PPP1R13B: variants seen among roughly 807,000 people sequenced by gnomAD.
The protein encoded by PPP1R13B is protein phosphatase 1 regulatory subunit 13B, also known as apoptosis-stimulating of p53 protein 1.
PPP1R13B carries 44 observed loss-of-function variants against 119.8 expected under a neutral mutation model. The ratio of observed to expected loss-of-function variants is 0.37; its 90% CI spans 0.29 to 0.47. PPP1R13B has a LOEUF of 0.47. Ranked by LOEUF, PPP1R13B falls within the 20% of genes least tolerant of loss-of-function variation. The pLI, the probability that PPP1R13B is intolerant of heterozygous loss-of-function variation, is 0.99. For missense variants in PPP1R13B, 1,227 were observed against 1,413.5 expected, an observed-to-expected ratio of 0.87 and a Z score of 2.12; for synonymous variants, 542 against 561.5, an observed-to-expected ratio of 0.97 and a Z score of 0.49.
chr14:103,740,430 G>T lies in PPP1R13B; in HGVS notation c.1986C>A (p.Thr662=). 6.3e-7 allele frequency: 1 copy of T among 1,599,094 alleles called. No individual in the cohort carries two copies. The highest frequency in any genetic ancestry group is 8.5e-7 in the Non-Finnish European group (1 of 1,171,556). Residue 662 remains threonine (T), a synonymous_variant, in exon 12 of 17, where the codon ACC becomes ACA. Coordinates refer to ENST00000202556, the MANE Select transcript of PPP1R13B (RefSeq NM_015316.3). The surrounding 1 kb of genome is among the most constrained non-coding windows in gnomAD (Gnocchi z 4.6). ...TGAGTGGCCGTGGCAGGCTCTCCAC[G>T]GTGCTGCCATCTGCGGGGGCGGCGG... ...DGPAAPADGS[T]VESLPRPLSP...
chr14:103,745,774 A>C (rs1396791269), intron 9 of PPP1R13B, among the ~76,000 whole-genome samples: 2 of 152,176 alleles, frequency 1.3e-5, no homozygotes, highest in African/African-American at 4.8e-5. Flanking sequence ...ACCTGCAGTA[A>C]GAGAGGACAC....
chr14:103,806,543 C>A (rs568830751), intron 1 of PPP1R13B, among the ~76,000 whole-genome samples: 1 of 152,110 alleles, frequency 6.6e-6, no homozygotes, highest in African/African-American at 2.4e-5. Flanking sequence ...CAGCAGGCCA[C>A]GCACCCCAAA....
chr14:103,802,640 C>T (rs1457674179), intron 1 of PPP1R13B, among the ~76,000 whole-genome samples: 1 of 152,130 alleles, frequency 6.6e-6, no homozygotes, highest in Non-Finnish European at 1.5e-5. Context: ...ACAGCTTGTG[C>T]TTACTTGCTC....
intron 1 of PPP1R13B, among the ~76,000 whole-genome samples, chr14:103,844,732 AG>A (rs1353001488): frequency 6.6e-6 from 1 of 152,162 alleles, no homozygotes; most frequent in Non-Finnish European, 1.5e-5. Context: ...TCACAAAAAA[AG>A]AAAAAAAGAA....
intron 9 of PPP1R13B, among the ~76,000 whole-genome samples, chr14:103,743,280 TTTAA>T (rs1456608163): frequency 1.7e-4 from 26 of 152,388 alleles, no homozygotes; most frequent in African/African-American, 6.2e-4. Flanking sequence ...CCTGTAGTAC[TTTAA>T]TTATTGAGAT....
chr14:103,769,066 C>T (rs1046515664), intron 4 of PPP1R13B, among the ~76,000 whole-genome samples: 1 of 152,034 alleles, frequency 6.6e-6, no homozygotes, highest in African/African-American at 2.4e-5. Flanking sequence ...CTTTGTTTTA[C>T]TTCCACACTG....
intron 1 of PPP1R13B, among the ~76,000 whole-genome samples, chr14:103,811,094 CAAAAAAAAAAAAAA>C (rs36017203): frequency 1.5e-5 from 1 of 65,844 alleles, no homozygotes; most frequent in African/African-American, 5.5e-5. Flanking sequence ...GACTCCTCCT[CAAAAAAAAAAAAAA>C]AAAAAAAAAA....
intron 1 of PPP1R13B, among the ~76,000 whole-genome samples, chr14:103,842,997 C>A (rs1212992248): frequency 1.3e-5 from 2 of 151,932 alleles, no homozygotes; most frequent in Admixed American, 6.6e-5. Flanking sequence ...AAAAAAGTAT[C>A]TTAAGCAACA....
In PPP1R13B at chr14:103,742,890, C is replaced by A; in HGVS notation, c.1151-67G>T. 6.4e-7 allele frequency: 1 copy of A among 1,562,918 alleles called. No homozygotes were observed. Among genetic ancestry groups the A allele is most frequent in the South Asian group, 1.2e-5 (1 of 85,800 alleles). On this transcript the variant is annotated intron_variant, in intron 9 of 16. Coordinates refer to ENST00000202556, the MANE Select transcript of PPP1R13B (RefSeq NM_015316.3). This position sits in a 1 kb window ranked among gnomAD's most constrained non-coding sequence, Gnocchi z 4.9. ...TAGTTGAACCAACCTAAGAATAACA[C>A]TCTGCCAGAAACAAAAACAGCACTG...
intron 1 of PPP1R13B, among the ~76,000 whole-genome samples, chr14:103,800,579 C>T (rs532839453): frequency 1.1e-4 from 16 of 151,222 alleles, no homozygotes; most frequent in African/African-American, 2.2e-4. Flanking sequence ...ACTTGAACCC[C>T]GGGGGGCAGA....
intron 1 of PPP1R13B, among the ~76,000 whole-genome samples, chr14:103,830,640 C>T (rs546322472): frequency 6.6e-6 from 1 of 152,266 alleles, no homozygotes; most frequent in East Asian, 1.9e-4. Flanking sequence ...GTATTCATAA[C>T]TGAAAACTAC....
chr14:103,754,136 T>C lies in PPP1R13B; in HGVS notation c.565A>G (p.Lys189Glu). The change falls in exon 6 of 17, where the codon AAG (lysine) becomes GAG (glutamate). Residue 189 changes from lysine (K) to glutamate (E), a missense_variant. Physicochemically the swap from Lys to Glu is moderately conservative, Grantham distance 56. Coordinates refer to ENST00000202556, the MANE Select transcript of PPP1R13B (RefSeq NM_015316.3). ...CTCATTGCACGAATTTTCTTCAGCT[T>C]GTTCTCCTGGGCTTCAACTCGTTCT... ...LKERVEAQENKLKKIRAMRGQ... is the reference protein window; with the variant it reads ...LKERVEAQENELKKIRAMRGQ... 6.2e-7 allele frequency: 1 copy of C among 1,614,142 alleles called. No homozygotes were observed. Among genetic ancestry groups the C allele is most frequent in the Non-Finnish European group, 8.5e-7 (1 of 1,180,034 alleles).
chr14:103,812,075 A>C lies in PPP1R13B; in HGVS notation c.10-14557T>G, dbSNP rs1435870314. Among the ~76,000 whole-genome samples the C allele has an allele frequency of 2.7e-5, 4 of 150,756 alleles. No homozygotes were observed. The South Asian group carries it at 6.2e-4, about 24-fold the overall frequency. On this transcript the variant is annotated intron_variant, in intron 1 of 16. Transcript: ENST00000202556. ...ACTCCCCCTCAAAAAAAAAAAAAAAAAAAAAACCTCAATAATCATAAAACA... is the reference window on the plus strand; with the variant it reads ...ACTCCCCCTCAAAAAAAAAAAAAAACAAAAAACCTCAATAATCATAAAACA...
chr14:103,764,503 A>G (rs1451922880), intron 4 of PPP1R13B: 3 of 359,892 alleles, frequency 8.3e-6, no homozygotes, highest in Admixed American at 3.6e-5. Flanking sequence ...TACAATGAAA[A>G]TAAATTATTA....
intron 1 of PPP1R13B, among the ~76,000 whole-genome samples, chr14:103,845,237 G>GATAC (rs2307733): frequency 0.67 from 100,952 of 151,550 alleles, 34,697 homozygotes; most frequent in African/African-American, 0.86. Context: ...TACATTTTTG[G>GATAC]ATAGTTTAAA....
chr14:103,736,260 C>T, intron 15 of PPP1R13B, 58 bp from the exon 16 acceptor site: 1 of 1,559,036 alleles, frequency 6.4e-7, no homozygotes, highest in Admixed American at 1.7e-5. Flanking sequence ...GCAAGGGACC[C>T]TGCTCGAGGA....
chr14:103,742,332 G>C lies in PPP1R13B; in HGVS notation c.1321-41C>G. 1 of 1,506,108 alleles carries C rather than the reference G, an allele frequency of 6.6e-7. No homozygotes were observed. The highest frequency in any genetic ancestry group is 8.8e-7 in the Non-Finnish European group (1 of 1,134,782). 93.3% of individuals were successfully genotyped at this position (1,506,108 alleles called of 1,614,324 possible). The stretch of plus-strand genomic sequence containing the variant: ...AAGAAGAAAAACAAAGTCACCCTTT[G>C]AACAGTTAAGAATATTTCCACCCAC... On this transcript the variant is annotated intron_variant, in intron 10 of 16. Coordinates refer to ENST00000202556, the MANE Select transcript of PPP1R13B (RefSeq NM_015316.3). This position sits in a 1 kb window ranked among gnomAD's most constrained non-coding sequence, Gnocchi z 4.9.
At position 103,782,124 on chromosome 14, in the gene PPP1R13B, C is replaced by T. The variant is rs148413588; in HGVS notation, c.277+2671G>A. Among the ~76,000 whole-genome samples, 11 of 152,224 alleles carry T rather than the reference C, an allele frequency of 7.2e-5. No individual in the cohort carries two copies. The East Asian group carries it at 2.1e-3, about 29-fold the overall frequency. On this transcript the variant is annotated intron_variant, in intron 3 of 16. Coordinates refer to ENST00000202556, the MANE Select transcript of PPP1R13B (RefSeq NM_015316.3). ...GTTCTACAGCCACTTTTCCCTTTCC[C>T]CCCAGGCCAACAACATCCCCAGTTG...
chr14:103,784,465 C>A (rs370931015), intron 3 of PPP1R13B, among the ~76,000 whole-genome samples: 4 of 151,518 alleles, frequency 2.6e-5, no homozygotes, highest in African/African-American at 7.3e-5. Context: ...CACCTGTAGT[C>A]CCAGCTACTT....
Sources: gnomAD v4.1 joint callset for allele counts (sites outside exome capture counted in the v4.1 genomes callset) on GRCh38, gnomAD v4.1.1 for gene constraint, Gnocchi (gnomAD v3.1) non-coding constraint, MANE v1.5 for transcripts, NCBI Gene and HGNC (gene_info 2026-07-23, HGNC 2026-07-21) for gene names.